Variants in KIF3C observed in about 807,000 individuals in gnomAD.
The protein encoded by KIF3C is kinesin-like protein KIF3C.
Under a neutral mutation model 67.7 loss-of-function variants are expected in KIF3C, and 12 were observed. The ratio of observed to expected loss-of-function variants is 0.18; its 90% CI spans 0.11 to 0.29. The LOEUF is 0.29. Ranked by LOEUF, KIF3C falls within the 10% of genes least tolerant of loss-of-function variation. The pLI, the probability that KIF3C is intolerant of heterozygous loss-of-function variation, is 1.00. For missense variants in KIF3C, 789 were observed against 1,059.6 expected (o/e 0.74, Z 3.55); for synonymous variants, 393 against 426.2 (o/e 0.92, Z 0.96).
rs781623721 is a variant in KIF3C, at chr2:25,955,668, G to A, written c.1648-5C>T. On this transcript the variant is annotated splice_polypyrimidine_tract_variant and splice_region_variant and intron_variant, in intron 2 of 7. Transcript: ENST00000264712. This position sits in a 1 kb window ranked among gnomAD's most constrained non-coding sequence, Gnocchi z 5.0. ...CATCTCCCGCTCACGACGTTTCTAG[G>A]CCAAGGACGGGCAGTGTGGCTCAAA... 3.7e-6 allele frequency: 6 copies of A among 1,613,924 alleles called. No individual in the cohort carries two copies. The Admixed American group carries it at 1.0e-4, about 27-fold the overall frequency.
At position 25,981,337 on chromosome 2, in the gene KIF3C, A is replaced by G. The variant is rs754252887; in HGVS notation, c.581T>C (p.Val194Ala). The stretch of plus-strand genomic sequence containing the variant: ...CCGGGTCTGGTTCCCCAGGTTCATC[A>G]CATGCTCAATCTCCTTGACATTCTT... The part of the protein sequence containing the change: ...VTKNVKEIEH[V>A]MNLGNQTRAV... The change falls in exon 1 of 8, where the codon GTG (valine) becomes GCG (alanine). Residue 194 changes from valine (V) to alanine (A), a missense_variant. Transcript: ENST00000264712. This position sits in a 1 kb window ranked among gnomAD's most constrained non-coding sequence, Gnocchi z 8.2. The G allele has an allele frequency of 6.2e-6, 10 of 1,614,110 alleles. No individual in the cohort carries two copies. Among genetic ancestry groups the G allele is most frequent in the Non-Finnish European group, 8.5e-6 (10 of 1,180,006 alleles).
intron 5 of KIF3C, among the ~76,000 whole-genome samples, chr2:25,936,656 G>A (rs1243177246): frequency 1.3e-5 from 2 of 152,102 alleles, no homozygotes; most frequent in Admixed American, 6.6e-5. Flanking sequence ...ATCCAGGAAT[G>A]GAAGTGTTGC....
intron 5 of KIF3C, among the ~76,000 whole-genome samples, chr2:25,937,062 C>T (rs996940792): frequency 6.6e-6 from 1 of 152,170 alleles, no homozygotes; most frequent in Admixed American, 6.6e-5. Context: ...GCACTTAGCA[C>T]AGTACACCTG....
intron 5 of KIF3C, among the ~76,000 whole-genome samples, chr2:25,940,943 A>T (rs542588114): frequency 6.6e-6 from 1 of 151,988 alleles, no homozygotes; most frequent in South Asian, 2.1e-4. Flanking sequence ...GTGGGCCACC[A>T]CACCCGGCCA....
chr2:25,970,667 C>CAAAAAAAAAAAAAAAAAAAAAAAA, intron 1 of KIF3C, among the ~76,000 whole-genome samples: 1 of 54,788 alleles, frequency 1.8e-5, no homozygotes, highest in Non-Finnish European at 3.2e-5. Context: ...AACTTTGTCT[C>CAAAAAAAAAAAAAAAAAAAAAAAA]AAAAAAAAAA....
intron 5 of KIF3C, among the ~76,000 whole-genome samples, chr2:25,947,478 G>A (rs534098660): frequency 2.0e-5 from 3 of 152,010 alleles, no homozygotes; most frequent in African/African-American, 7.2e-5. Context: ...CTACTCGGGA[G>A]GCTGAGGCAG....
rs751472004 is a variant in KIF3C, at chr2:25,928,968, G to A, written c.*10C>T. 26 of 1,610,956 alleles carry A rather than the reference G, an allele frequency of 1.6e-5. No homozygotes were observed. In the East Asian group the frequency reaches 2.0e-4, roughly 12 times the overall value. Reference sequence around the variant, plus strand: ...GAGTCTATTGGATGGGCAGCCTGACGTGATGGTTGTCACTCATGGTCCGCC... The same window carrying A: ...GAGTCTATTGGATGGGCAGCCTGACATGATGGTTGTCACTCATGGTCCGCC... On this transcript the variant is annotated 3_prime_UTR_variant, in exon 8 of 8. Coordinates refer to ENST00000264712, the MANE Select transcript of KIF3C (RefSeq NM_002254.8).
At chr2:25,950,555 CAG>C (rs1054982472) in intron 5 of KIF3C, among the ~76,000 whole-genome samples, 1 of 152,112 alleles carries the variant, frequency 6.6e-6, no homozygotes, top group Non-Finnish European at 1.5e-5. Context: ...GATAACCCTT[CAG>C]AGTGAAGCCT....
intron 1 of KIF3C, among the ~76,000 whole-genome samples, chr2:25,963,212 T>A (rs1664052244): frequency 1.0e-5 from 1 of 98,842 alleles, no homozygotes; most frequent in African/African-American, 4.2e-5. Flanking sequence ...TTTTTTTTTT[T>A]TTTTTTTTTT....
intron 1 of KIF3C, among the ~76,000 whole-genome samples, chr2:25,962,523 C>T (rs985962282): frequency 6.6e-6 from 1 of 150,886 alleles, no homozygotes; most frequent in South Asian, 2.1e-4. Flanking sequence ...GGATTACAGG[C>T]GCGCACCACC....
chr2:25,957,929 C>T (rs528890245), intron 1 of KIF3C, among the ~76,000 whole-genome samples: 7 of 152,320 alleles, frequency 4.6e-5, no homozygotes, highest in South Asian at 4.1e-4. Context: ...ATGATCTCCC[C>T]TCTTACCGCA....
In KIF3C at chr2:25,980,147, G is replaced by T. The variant is rs11126321; in HGVS notation, c.1545+226C>A. Among the ~76,000 whole-genome samples the T allele has an allele frequency of 6.6e-6, 1 of 152,046 alleles. No individual in the cohort carries two copies. Among genetic ancestry groups the T allele is most frequent in the Non-Finnish European group, 1.5e-5 (1 of 68,008 alleles). Reference sequence around the variant, plus strand: ...CCCAAGCTCACTGGCTTGAGAGACCGCCTGTCCACGTTGCTTCGTGTGTGT... The same window carrying T: ...CCCAAGCTCACTGGCTTGAGAGACCTCCTGTCCACGTTGCTTCGTGTGTGT... On this transcript the variant is annotated intron_variant, in intron 1 of 7. Transcript: ENST00000264712. This position sits in a 1 kb window ranked among gnomAD's most constrained non-coding sequence, Gnocchi z 7.6.
intron 6 of KIF3C, 21 bp downstream of exon 6, chr2:25,929,934 T>TC (rs769161518): frequency 6.4e-7 from 1 of 1,557,982 alleles, no homozygotes; most frequent in South Asian, 1.1e-5. Context: ...GTAGGCTCTT[T>TC]CTCCCCTCTC....
chr2:25,960,998 C>T (rs1187738368), intron 1 of KIF3C, among the ~76,000 whole-genome samples: 1 of 152,210 alleles, frequency 6.6e-6, no homozygotes, highest in Non-Finnish European at 1.5e-5. Flanking sequence ...CTGCCTGGCT[C>T]CAAAGCCCAA....
intron 7 of KIF3C, 53 bp downstream of exon 7, chr2:25,929,252 C>T: frequency 1.3e-6 from 2 of 1,576,966 alleles, no homozygotes; most frequent in African/African-American, 1.3e-5. Flanking sequence ...CCAGCGCCTG[C>T]AGTTCCCCTG....
At position 25,980,995 on chromosome 2, in the gene KIF3C, G is replaced by A. The variant is rs1235862250; in HGVS notation, c.923C>T (p.Ala308Val). 40 of 1,614,054 alleles carry A rather than the reference G, an allele frequency of 2.5e-5. No homozygotes were observed. Among genetic ancestry groups the A allele is most frequent in the Non-Finnish European group, 3.1e-5 (37 of 1,180,032 alleles). Reference protein sequence around the residue: ...SALGNVIAALAGNRSTHIPYR... With the variant: ...SALGNVIAALVGNRSTHIPYR... ...GGGAATGTGGGTGCTCCTGTTGCCC[G>A]CCAGGGCAGCAATCACGTTGCCCAG... Residue 308 changes from alanine to valine, a missense_variant, in exon 1 of 8, where the codon GCG becomes GTG. Ala to Val is a moderately conservative substitution (Grantham distance 64). Transcript: ENST00000264712. The surrounding 1 kb of genome is among the most constrained non-coding windows in gnomAD (Gnocchi z 7.6).
chr2:25,952,946 G>A (rs1026640309), intron 4 of KIF3C, among the ~76,000 whole-genome samples: 1 of 152,090 alleles, frequency 6.6e-6, no homozygotes, highest in Non-Finnish European at 1.5e-5. Flanking sequence ...TCCATGATGT[G>A]CTTAGTTCAC....
In KIF3C at chr2:25,977,680, G is replaced by C. The variant is rs139993236; in HGVS notation, c.1545+2693C>G. On this transcript the variant is annotated intron_variant, in intron 1 of 7. Coordinates refer to ENST00000264712, the MANE Select transcript of KIF3C (RefSeq NM_002254.8). ...CTTTCAACTTATTTTAAATGCCCTC[G>C]TGCTAATGATCTCATTTAATCCTCA... Among the ~76,000 whole-genome samples, 212 of 152,264 alleles carry C rather than the reference G, an allele frequency of 1.4e-3. 10 individuals are homozygous for C. In the South Asian group the frequency reaches 0.014, roughly 10 times the overall value.
rs1420931922 is a variant in KIF3C, at chr2:25,930,071, A to G, written c.2007-8T>C. 6.2e-7 allele frequency: 1 copy of G among 1,607,330 alleles called. No homozygotes were observed. The highest frequency in any genetic ancestry group is 1.7e-5 in the Admixed American group (1 of 60,000). ...TTCATCTGGCTGCTACTGCTGTAGG[A>G]AAGAGGCTATATTAGAAAGGATTTC... On this transcript the variant is annotated splice_region_variant and splice_polypyrimidine_tract_variant and intron_variant, in intron 5 of 7. Transcript: ENST00000264712.
Sources: gnomAD v4.1 joint callset for allele counts (sites outside exome capture counted in the v4.1 genomes callset) on GRCh38, gnomAD v4.1.1 for gene constraint, Gnocchi (gnomAD v3.1) non-coding constraint, MANE v1.5 for transcripts, NCBI Gene and HGNC (gene_info 2026-07-23, HGNC 2026-07-21) for gene names.